The following RBP7 variants were observed in gnomAD, a reference collection of about 807,000 sequenced individuals.
RBP7 encodes the protein retinol binding protein 7, also known as retinoid-binding protein 7.
A neutral mutation model predicts 16.7 loss-of-function variants in RBP7; 13 were observed. The observed-to-expected ratio is 0.78, with a 90% CI of 0.51 to 1.24. RBP7 has a LOEUF of 1.24. RBP7 is among the 50% of genes most tolerant of loss of function. The probability of loss-of-function intolerance (pLI) is 0.00; values close to 1 mark genes in which losing one functional copy is unlikely to be tolerated. For synonymous variants in RBP7, 54 were observed against 56.2 expected (o/e 0.96, Z 0.17); for missense variants, 145 against 159.5 (o/e 0.91, Z 0.49).
chr1:10,002,936 C>T (rs953994802), intron 1 of RBP7, among the ~76,000 whole-genome samples: 1 of 152,212 alleles, frequency 6.6e-6, no homozygotes, highest in East Asian at 1.9e-4. Context: ...AAGCCAGAAG[C>T]GGGGCTTGGG....
intron 2 of RBP7, 60 bp from the exon 3 acceptor site, chr1:10,008,113 C>A: frequency 2.7e-6 from 3 of 1,118,206 alleles, no homozygotes; most frequent in Admixed American, 1.9e-5. Flanking sequence ...TGGCATTCTA[C>A]TTCGTAACAC....
rs377469853 is a variant in RBP7, at chr1:9,997,310, G to A, written c.52G>A (p.Glu18Lys). The part of the protein sequence containing the change: ...TWTLLSSDNF[E>K]GYMLALGIDF... ...GACCCTGCTCAGCAGCGACAACTTCGAGGGCTACATGCTGGCCCTAGGTAA... is the reference window on the plus strand; with the variant it reads ...GACCCTGCTCAGCAGCGACAACTTCAAGGGCTACATGCTGGCCCTAGGTAA... Residue 18 changes from glutamate to lysine, a missense_variant, in exon 1 of 4, where the codon GAG becomes AAG. By Grantham distance (56) the Glu-to-Lys change is moderately conservative. Coordinates refer to ENST00000294435, the MANE Select transcript of RBP7 (RefSeq NM_052960.3). This position sits in a 1 kb window ranked among gnomAD's most constrained non-coding sequence, Gnocchi z 5.9. 23 of 1,611,410 alleles carry A rather than the reference G, an allele frequency of 1.4e-5. No individual in the cohort carries two copies. The highest frequency in any genetic ancestry group is 2.0e-5 in the Non-Finnish European group (23 of 1,179,196).
At chr1:10,001,023 C>T (rs1036087218) in intron 1 of RBP7, among the ~76,000 whole-genome samples, 1 of 152,116 alleles carries the variant, frequency 6.6e-6, no homozygotes, top group East Asian at 1.9e-4. Context: ...CGTGAGCTAC[C>T]GTGCCTGGCT....
rs112246673 is a variant in RBP7, at chr1:10,007,503, A to T, written c.74-67A>T. 1,829 of 1,164,136 alleles carry T rather than the reference A, an allele frequency of 1.6e-3. 36 individuals carry two copies. The African/African-American group carries it at 0.025, about 16-fold the overall frequency. 72.1% of individuals were successfully genotyped at this position (1,164,136 alleles called of 1,614,324 possible). On this transcript the variant is annotated intron_variant, in intron 1 of 3. Coordinates refer to ENST00000294435, the MANE Select transcript of RBP7 (RefSeq NM_052960.3). ...AATTACATGTGGTGATTTTGAGAAC[A>T]GCTACCAAATTCTTCACTTTTGTAT...
chr1:10,003,561 G>C (rs1157606376), intron 1 of RBP7, among the ~76,000 whole-genome samples: 1 of 152,164 alleles, frequency 6.6e-6, no homozygotes, highest in East Asian at 1.9e-4. Context: ...GCTCTTTTCT[G>C]CGGGAGCAGT....
intron 3 of RBP7, among the ~76,000 whole-genome samples, chr1:10,012,451 T>C (rs567957796): frequency 6.6e-6 from 1 of 151,564 alleles, no homozygotes; most frequent in East Asian, 1.9e-4. Flanking sequence ...AATATATACA[T>C]ATGTTTGAGG....
intron 3 of RBP7, among the ~76,000 whole-genome samples, 169 bp from the exon 4 acceptor site, chr1:10,015,613 G>A (rs1202641688): frequency 6.6e-6 from 1 of 150,596 alleles, no homozygotes; most frequent in East Asian, 2.0e-4. Context: ...ACAGTGAGCC[G>A]AGATCTCACC....
chr1:10,014,390 C>CTT (rs796691409), intron 3 of RBP7, among the ~76,000 whole-genome samples: 2 of 142,098 alleles, frequency 1.4e-5, no homozygotes, highest in Non-Finnish European at 3.1e-5. Flanking sequence ...TTTCTTTTTT[C>CTT]TTTTTTTTTT....
chr1:10,010,479 C>A (rs1298394262), intron 3 of RBP7, among the ~76,000 whole-genome samples: 1 of 151,748 alleles, frequency 6.6e-6, no homozygotes, highest in Non-Finnish European at 1.5e-5. Flanking sequence ...TGCAGTGGCG[C>A]AATCTCGGCC....
chr1:10,010,279 G>A (rs1013967984), intron 3 of RBP7, among the ~76,000 whole-genome samples: 1 of 150,826 alleles, frequency 6.6e-6, no homozygotes, highest in Admixed American at 6.6e-5. Context: ...CGACACCTGG[G>A]TAATTTTTGT....
chr1:10,012,839 C>T (rs1447854775), intron 3 of RBP7, among the ~76,000 whole-genome samples: 1 of 144,942 alleles, frequency 6.9e-6, no homozygotes, highest in East Asian at 2.1e-4. Flanking sequence ...GAGGCTGAGG[C>T]AGGAGAATCA....
At chr1:10,001,809 GTTTATTTATTTA>G (rs112287943) in intron 1 of RBP7, among the ~76,000 whole-genome samples, 32 of 145,566 alleles carry the variant, frequency 2.2e-4, no homozygotes, top group East Asian at 4.0e-4. Flanking sequence ...AATTTAATTA[GTTTATTTATTTA>G]TTTATTTATT....
In RBP7 at chr1:10,000,298, G is replaced by A. The variant is rs868657266; in HGVS notation, c.73+2967G>A. Among the ~76,000 whole-genome samples, 14 of 151,746 alleles carry A rather than the reference G, an allele frequency of 9.2e-5. No homozygotes were observed. The Middle Eastern group carries it at 0.01, about 111-fold the overall frequency. ...TATAATCCCAGCACTTTGGGAGGCC[G>A]AGGTGGGTGGATCACCTGAAGTCAG... On this transcript the variant is annotated intron_variant, in intron 1 of 3. Coordinates refer to ENST00000294435, the MANE Select transcript of RBP7 (RefSeq NM_052960.3).
chr1:10,007,505 C>A, intron 1 of RBP7, 65 bp from the exon 2 acceptor site: 1 of 1,182,244 alleles, frequency 8.5e-7, no homozygotes, highest in Non-Finnish European at 1.2e-6. Context: ...TTGAGAACAG[C>A]TACCAAATTC....
intron 3 of RBP7, among the ~76,000 whole-genome samples, chr1:10,010,210 G>C (rs1642575047): frequency 6.6e-6 from 1 of 152,076 alleles, no homozygotes; most frequent in Non-Finnish European, 1.5e-5. Context: ...CTGCCTTCTG[G>C]GTTCAAGCAA....
intron 1 of RBP7, among the ~76,000 whole-genome samples, chr1:9,999,253 GTTACCCACTC>G (rs1469170507): frequency 2.6e-5 from 4 of 151,936 alleles, no homozygotes; most frequent in Non-Finnish European, 5.9e-5. Context: ...TTCTTTATAA[GTTACCCACTC>G]TTGCCAGGCT....
At position 10,015,869 on chromosome 1, in the gene RBP7, C is replaced by T. The variant is rs367874478; in HGVS notation, c.*37C>T. On this transcript the variant is annotated 3_prime_UTR_variant, in exon 4 of 4. Coordinates refer to ENST00000294435, the MANE Select transcript of RBP7 (RefSeq NM_052960.3). ...CAGCAGAGCCCACTTGTGGCTGCAG[C>T]TTTATGCCAAATTATATTGCAGACT... 48 of 1,595,054 alleles carry T rather than the reference C, an allele frequency of 3.0e-5. No homozygotes were observed. Among genetic ancestry groups the T allele is most frequent in the Non-Finnish European group, 4.0e-5 (47 of 1,163,028 alleles).
chr1:9,999,299 C>A (rs1047869343), intron 1 of RBP7, among the ~76,000 whole-genome samples: 7 of 152,068 alleles, frequency 4.6e-5, no homozygotes, highest in Non-Finnish European at 8.8e-5. Flanking sequence ...GTAATCCCAG[C>A]ACTTTGGGAG....
Position 9,997,348 on chromosome 1 carries a change from G to T in RBP7, c.73+17G>T. On this transcript the variant is annotated intron_variant, in intron 1 of 3. Coordinates refer to ENST00000294435, the MANE Select transcript of RBP7 (RefSeq NM_052960.3). The surrounding 1 kb of genome is among the most constrained non-coding windows in gnomAD (Gnocchi z 5.9). Reference sequence around the variant, plus strand: ...TGGCCCTAGGTAAGGCGGAGGGGAGGCGGCGGCGGCGCGAGGCTCGCCGTG... The same window carrying T: ...TGGCCCTAGGTAAGGCGGAGGGGAGTCGGCGGCGGCGCGAGGCTCGCCGTG... The T allele has an allele frequency of 6.2e-7, 1 of 1,606,192 alleles. No homozygotes were observed. Among genetic ancestry groups the T allele is most frequent in the Non-Finnish European group, 8.5e-7 (1 of 1,176,254 alleles).
Sources: gnomAD v4.1 joint callset for allele counts (sites outside exome capture counted in the v4.1 genomes callset) on GRCh38, gnomAD v4.1.1 for gene constraint, Gnocchi (gnomAD v3.1) non-coding constraint, MANE v1.5 for transcripts, NCBI Gene and HGNC (gene_info 2026-07-23, HGNC 2026-07-21) for gene names.